The following JAM3 variants were observed in gnomAD, a reference collection of about 807,000 sequenced individuals.
The protein encoded by JAM3 is junctional adhesion molecule 3.
In JAM3, 31 loss-of-function variants were observed where a neutral mutation model predicts 39.4. The observed-to-expected ratio is 0.79, with a 90% confidence interval of 0.59 to 1.06. JAM3 has a LOEUF of 1.06. Ranked by LOEUF, JAM3 falls within the 50% of genes least tolerant of loss-of-function variation. JAM3 has a pLI of 0.00. For missense variants in JAM3, 455 were observed against 391.4 expected (o/e 1.16, Z -1.37); for synonymous variants, 182 against 148.7 (o/e 1.22, Z -1.63).
chr11:134,130,158 G>T (rs765888369), intron 1 of JAM3, among the ~76,000 whole-genome samples: 2 of 152,276 alleles, frequency 1.3e-5, no homozygotes, highest in Admixed American at 6.5e-5. Context: ...ACATTTGCTA[G>T]TTCTACCTGA....
intron 1 of JAM3, among the ~76,000 whole-genome samples, chr11:134,081,966 T>G (rs745846337): frequency 5.9e-5 from 9 of 152,266 alleles, no homozygotes; most frequent in South Asian, 2.1e-4. Context: ...GATATGAGAC[T>G]TGGAGTCAAA....
intron 2 of JAM3, among the ~76,000 whole-genome samples, chr11:134,140,324 G>A (rs542469503): frequency 6.6e-6 from 1 of 152,072 alleles, no homozygotes; most frequent in South Asian, 2.1e-4. Context: ...TGGCCTGACT[G>A]GTCTCAAACT....
At chr11:134,141,165 C>T (rs930128589) in intron 3 of JAM3, among the ~76,000 whole-genome samples, 2 of 152,054 alleles carry the variant, frequency 1.3e-5, no homozygotes, top group Non-Finnish European at 2.9e-5. Flanking sequence ...CTGAGCCACC[C>T]ACTGTGTTTC....
In JAM3 at chr11:134,103,734, C is replaced by T. The variant is rs1442620129; in HGVS notation, c.76+34575C>T. 2.6e-5 allele frequency among the ~76,000 whole-genome samples: 4 copies of T among 152,104 alleles called. No homozygotes were observed. In the East Asian group the frequency reaches 7.7e-4, roughly 29 times the overall value. On this transcript the variant is annotated intron_variant, in intron 1 of 8. Transcript: ENST00000299106. Reference sequence around the variant, plus strand: ...CAATCCTAGTCTCTGATAAAACAGACTTTAAACCAACAAAGATGAAAAGAG... The same window carrying T: ...CAATCCTAGTCTCTGATAAAACAGATTTTAAACCAACAAAGATGAAAAGAG...
At chr11:134,134,409 A>AAAAAC (rs1185048997) in intron 1 of JAM3, among the ~76,000 whole-genome samples, 1 of 151,076 alleles carries the variant, frequency 6.6e-6, no homozygotes, top group Non-Finnish European at 1.5e-5. Context: ...AAAAAAAAAA[A>AAAAAC]AAAAAAAAAA....
chr11:134,144,178 C>G lies in JAM3; in HGVS notation c.257-63C>G. ...CATCTAGTGCTAGCCCCAGAAACCA[C>G]CCTCTTCAAGTGGCAAAGATTTCTT... On this transcript the variant is annotated intron_variant, in intron 3 of 8. Transcript: ENST00000299106. The G allele has an allele frequency of 3.8e-6, 6 of 1,580,010 alleles. No individual in the cohort carries two copies. The Admixed American group carries it at 8.4e-5, about 22-fold the overall frequency.
rs911152289 is a variant in JAM3, at chr11:134,149,066, C to T, written c.898-80C>T. 2.7e-6 allele frequency: 4 copies of T among 1,507,312 alleles called. No homozygotes were observed. In the Admixed American group the frequency reaches 6.7e-5, roughly 25 times the overall value. The allele number at this position is 1,507,312 out of a possible 1,614,324, so 93.4% of individuals were successfully genotyped here. A position where few individuals can be genotyped will look rare whatever the true frequency, so the allele number is the denominator to read the frequency against. ...GAATGATTATTCCATCTGTATTTAG[C>T]CCATGTTAGACTTACTCCGTGTTTT... On this transcript the variant is annotated intron_variant, in intron 8 of 8. Coordinates refer to ENST00000299106, the MANE Select transcript of JAM3 (RefSeq NM_032801.5).
At position 134,149,339 on chromosome 11, in the gene JAM3, T is replaced by C; in HGVS notation, c.*158T>C. 4 of 777,324 alleles carry C rather than the reference T, an allele frequency of 5.1e-6. No homozygotes were observed. In the South Asian group the frequency reaches 6.2e-5, roughly 12 times the overall value. 48.2% of individuals were successfully genotyped at this position (777,324 alleles called of 1,614,324 possible). A position where few individuals can be genotyped will look rare whatever the true frequency, so the allele number is the denominator to read the frequency against. On this transcript the variant is annotated 3_prime_UTR_variant, in exon 9 of 9. Coordinates refer to ENST00000299106, the MANE Select transcript of JAM3 (RefSeq NM_032801.5). The stretch of plus-strand genomic sequence containing the variant: ...AAGTTGACCACTACTCTTCTTACTC[T>C]AACAAGCCACATGAATAGAAGAATT...
At chr11:134,136,709 T>C (rs1485296320) in intron 1 of JAM3, among the ~76,000 whole-genome samples, 1 of 152,164 alleles carries the variant, frequency 6.6e-6, no homozygotes, top group Non-Finnish European at 1.5e-5. Flanking sequence ...CATAAAAAGC[T>C]ACCTGTATTT....
intron 1 of JAM3, among the ~76,000 whole-genome samples, chr11:134,121,552 C>T (rs1022784233): frequency 4.6e-5 from 7 of 151,928 alleles, no homozygotes; most frequent in African/African-American, 1.7e-4. Context: ...AATCAGGCTG[C>T]ACACCTTTCA....
chr11:134,124,288 T>G (rs7101690), intron 1 of JAM3: 136,487 of 898,580 alleles, frequency 0.15, 11,345 homozygotes, highest in African/African-American at 0.21. Context: ...AGAAAACGCA[T>G]GTTCTCACAG....
intron 6 of JAM3, chr11:134,148,025 A>C (rs549451214): frequency 5.2e-6 from 1 of 190,736 alleles, no homozygotes; most frequent in Admixed American, 5.3e-5. Context: ...GAGGGCTTAT[A>C]GATCGGAGGT....
intron 1 of JAM3, among the ~76,000 whole-genome samples, chr11:134,135,456 A>G (rs1300331883): frequency 6.6e-6 from 1 of 152,178 alleles, no homozygotes; most frequent in Non-Finnish European, 1.5e-5. Flanking sequence ...AGACGTTGAA[A>G]TGTAATAAAG....
chr11:134,135,582 A>C (rs1301812484), intron 1 of JAM3, among the ~76,000 whole-genome samples: 3 of 150,684 alleles, frequency 2.0e-5, no homozygotes, highest in Non-Finnish European at 4.5e-5. Flanking sequence ...CTGTCGCCCA[A>C]GCTGGAGTGC....
intron 1 of JAM3, among the ~76,000 whole-genome samples, chr11:134,123,559 A>C (rs562955076): frequency 6.6e-5 from 10 of 152,272 alleles, no homozygotes; most frequent in Non-Finnish European, 7.3e-5. Context: ...CAATCCTGGC[A>C]GAAATTCAAA....
intron 1 of JAM3, among the ~76,000 whole-genome samples, chr11:134,102,616 A>C (rs570018377): frequency 6.6e-6 from 1 of 152,198 alleles, no homozygotes; most frequent in Non-Finnish European, 1.5e-5. Context: ...AAAACCTTGA[A>C]AAAAGATTAG....
chr11:134,086,405 A>AT (rs35326370), intron 1 of JAM3, among the ~76,000 whole-genome samples: 59,061 of 150,606 alleles, frequency 0.39, 12,442 homozygotes, highest in African/African-American at 0.57. Context: ...AGTATCCTGG[A>AT]TTTTTTTTTT....
chr11:134,106,750 A>G (rs987525807), intron 1 of JAM3, among the ~76,000 whole-genome samples: 1 of 152,268 alleles, frequency 6.6e-6, no homozygotes, highest in African/African-American at 2.4e-5. Context: ...ATCACTGGCC[A>G]TCAGATAAAT....
intron 1 of JAM3, among the ~76,000 whole-genome samples, chr11:134,113,822 G>T (rs1942367938): frequency 6.6e-6 from 1 of 152,190 alleles, no homozygotes; most frequent in East Asian, 1.9e-4. Flanking sequence ...GTGTAAAAGT[G>T]TTCCTGTTTC....
Sources: allele counts gnomAD v4.1 joint callset (sites outside exome capture counted in the v4.1 genomes callset), GRCh38; gene constraint gnomAD v4.1.1; transcripts MANE v1.5; gene names NCBI Gene and HGNC (gene_info 2026-07-23, HGNC 2026-07-21).